Variants in TENM1 observed in about 807,000 individuals in gnomAD.
The protein encoded by TENM1 is teneurin-1.
A neutral mutation model predicts 174.8 loss-of-function variants in TENM1; 35 were observed. That is an observed-to-expected ratio of 0.20 (90% CI 0.15 to 0.27). TENM1 has a LOEUF of 0.27. Among genes scored for constraint, TENM1 ranks in the 10% least tolerant of loss-of-function variants. The pLI, the probability that TENM1 is intolerant of heterozygous loss-of-function variation, is 1.00. For synonymous variants in TENM1, 781 were observed against 798.7 expected (o/e 0.98, Z 0.37); for missense variants, 1,633 against 2,130.1 (o/e 0.77, Z 4.59).
chrX:124,956,810 C>T (rs768934402), intron 1 of TENM1, among the ~76,000 whole-genome samples: 1 of 112,224 alleles, frequency 8.9e-6, no homozygotes, highest in Non-Finnish European at 1.9e-5. Context: ...ATTAATATTA[C>T]ACCTGCCATC....
At chrX:125,150,722 T>C in the TENM1 span, among the ~76,000 whole-genome samples, 1 of 112,584 alleles carries the variant, frequency 8.9e-6, no homozygotes, top group African/African-American at 3.2e-5. Context: ...AGAGCAAAGC[T>C]GGTAACATAT....
At chrX:124,588,246 G>A (rs1479916081) in intron 11 of TENM1, among the ~76,000 whole-genome samples, 1 of 111,321 alleles carries the variant, frequency 9.0e-6, no homozygotes, top group African/African-American at 3.3e-5. Flanking sequence ...GCACACGTAT[G>A]TTTATTGTGG....
At chrX:124,756,470 G>T (rs1269944492) in intron 3 of TENM1, among the ~76,000 whole-genome samples, 1 of 110,556 alleles carries the variant, frequency 9.0e-6, no homozygotes, top group Non-Finnish European at 1.9e-5. Context: ...TTGATCGTCT[G>T]AAGCCTTCTT....
chrX:125,028,963 T>A, the TENM1 span, among the ~76,000 whole-genome samples: 1 of 112,039 alleles, frequency 8.9e-6, no homozygotes, highest in Non-Finnish European at 1.9e-5. Flanking sequence ...GAATTTGCTA[T>A]GTGAAATCCT....
At chrX:125,189,917 T>C in the TENM1 span, among the ~76,000 whole-genome samples, 2 of 112,205 alleles carry the variant, frequency 1.8e-5, no homozygotes, top group African/African-American at 6.5e-5. Flanking sequence ...TATACTGTAA[T>C]TTTAATACCT....
chrX:124,873,945 C>A (rs975131401), intron 3 of TENM1, among the ~76,000 whole-genome samples: 1 of 111,634 alleles, frequency 9.0e-6, no homozygotes, highest in Non-Finnish European at 1.9e-5. Flanking sequence ...ACTTATATGT[C>A]TTATTCTCTT....
At chrX:124,972,084 G>GT in the TENM1 span, among the ~76,000 whole-genome samples, 1 of 109,398 alleles carries the variant, frequency 9.1e-6, no homozygotes, top group African/African-American at 3.3e-5. Flanking sequence ...AATACACAAA[G>GT]TAGCCAGGTG....
chrX:124,905,194 G>T (rs931571061), intron 1 of TENM1, among the ~76,000 whole-genome samples: 6 of 110,115 alleles, frequency 5.4e-5, no homozygotes, highest in African/African-American at 1.7e-4. Flanking sequence ...GGTGGCATGT[G>T]CTTGTAGTCC....
At chrX:124,487,425 A>G (rs1307677866) in intron 20 of TENM1, among the ~76,000 whole-genome samples, 196 bp from the exon 24 acceptor site, 2 of 112,056 alleles carry the variant, frequency 1.8e-5, no homozygotes, top group African/African-American at 3.2e-5. Context: ...GCCTCCTAAG[A>G]TGGTGTCAAG....
At chrX:124,431,242 G>C (rs2060775760) in intron 23 of TENM1, among the ~76,000 whole-genome samples, 1 of 112,501 alleles carries the variant, frequency 8.9e-6, no homozygotes, top group Non-Finnish European at 1.9e-5. Context: ...AAGTTCAAGT[G>C]TGCTGAAGAA....
chrX:124,619,006 C>T lies in TENM1; in HGVS notation c.2077+22785G>A, dbSNP rs192217693. On this transcript the variant is annotated intron_variant, in intron 11 of 31. Coordinates refer to ENST00000422452, the Ensembl canonical transcript of TENM1. Reference sequence around the variant, plus strand: ...GCTGGGGCAGGATGTTCACTTGAGCCCAGGAGTATCATGTTGTAGTGGACT... The same window carrying T: ...GCTGGGGCAGGATGTTCACTTGAGCTCAGGAGTATCATGTTGTAGTGGACT... 2.5e-4 allele frequency among the ~76,000 whole-genome samples: 28 copies of T among 111,346 alleles called. No homozygotes were observed. In the East Asian group the frequency reaches 6.5e-3, roughly 26 times the overall value.
At chrX:125,115,879 GA>G in the TENM1 span, among the ~76,000 whole-genome samples, 54 of 99,017 alleles carry the variant, frequency 5.5e-4, no homozygotes, top group East Asian at 3.2e-3. Flanking sequence ...ACAGAATTAC[GA>G]AAAAAAAAAA....
intron 27 of TENM1, among the ~76,000 whole-genome samples, chrX:124,403,122 A>G (rs752871529): frequency 7.2e-5 from 8 of 110,962 alleles, no homozygotes; most frequent in African/African-American, 9.9e-5. Context: ...GTGCACATAC[A>G]AATTTCAGTA....
At chrX:124,887,317 C>A (rs1398822396) in intron 3 of TENM1, among the ~76,000 whole-genome samples, 1 of 110,636 alleles carries the variant, frequency 9.0e-6, no homozygotes, top group African/African-American at 3.3e-5. Context: ...GGGGAAATAT[C>A]CAAGATAATA....
chrX:125,042,793 G>A, the TENM1 span, among the ~76,000 whole-genome samples: 1 of 111,266 alleles, frequency 9.0e-6, no homozygotes, highest in African/African-American at 3.3e-5. Context: ...AATATTATTA[G>A]GCAAGGCATA....
At chrX:124,877,431 ACT>A (rs2057225191) in intron 3 of TENM1, among the ~76,000 whole-genome samples, 1 of 112,017 alleles carries the variant, frequency 8.9e-6, no homozygotes. Context: ...AACAAAATAA[ACT>A]CTCTCTAGAA....
chrX:124,403,444 C>T (rs994014410), intron 27 of TENM1, among the ~76,000 whole-genome samples: 16 of 105,086 alleles, frequency 1.5e-4, no homozygotes, highest in African/African-American at 2.1e-4. Context: ...GGCGTGAACC[C>T]GGGAGGCAGA....
At chrX:124,776,234 T>C (rs1488701728) in intron 3 of TENM1, among the ~76,000 whole-genome samples, 1 of 111,747 alleles carries the variant, frequency 8.9e-6, no homozygotes. Flanking sequence ...TGAGAGGATG[T>C]ACTTCAGGAA....
chrX:124,990,882 G>A, the TENM1 span, among the ~76,000 whole-genome samples: 1 of 111,327 alleles, frequency 9.0e-6, no homozygotes. Context: ...TCCATGGTCG[G>A]CAACTTTGAG....
Sources: gnomAD v4.1 joint callset for allele counts (sites outside exome capture counted in the v4.1 genomes callset) on GRCh38, gnomAD v4.1.1 for gene constraint, MANE v1.5 for transcripts, NCBI Gene and HGNC (gene_info 2026-07-23, HGNC 2026-07-21) for gene names.